The following LSM12 variants were observed in gnomAD, a reference collection of about 807,000 sequenced individuals.
LSM12 encodes the protein protein LSM12.
For synonymous variants in LSM12, 74 were observed against 87.3 expected, an observed-to-expected ratio of 0.85 and a Z score of 0.85; for missense variants, 108 against 238.9, an observed-to-expected ratio of 0.45 and a Z score of 3.61.
intron 2 of LSM12, among the ~76,000 whole-genome samples, chr17:44,055,959 T>C (rs2049707898): frequency 1.3e-5 from 2 of 151,610 alleles, no homozygotes; most frequent in East Asian, 3.9e-4. Flanking sequence ...CTTCCCTCAA[T>C]GTGACATGAT....
intron 3 of LSM12, among the ~76,000 whole-genome samples, chr17:44,038,771 C>T (rs1042467833): frequency 6.6e-6 from 1 of 152,234 alleles, no homozygotes; most frequent in Non-Finnish European, 1.5e-5. Context: ...GACAGTTGGG[C>T]ACTTGCCAGA....
chr17:44,059,788 T>C (rs1205927703), intron 2 of LSM12, among the ~76,000 whole-genome samples: 1 of 152,148 alleles, frequency 6.6e-6, no homozygotes, highest in Non-Finnish European at 1.5e-5. Context: ...TCAACAAATA[T>C]CCGGTTTTTA....
chr17:44,046,981 C>T (rs1016020339), intron 2 of LSM12, among the ~76,000 whole-genome samples: 3 of 151,806 alleles, frequency 2.0e-5, no homozygotes, highest in South Asian at 2.1e-4. Flanking sequence ...CCACCCGCCT[C>T]GACCTCCCAA....
intron 2 of LSM12, among the ~76,000 whole-genome samples, chr17:44,057,417 G>A (rs1043152464): frequency 4.7e-5 from 7 of 150,128 alleles, no homozygotes; most frequent in Non-Finnish European, 8.9e-5. Context: ...CAAAGTGCTA[G>A]GACTACAGGC....
At chr17:44,063,965 T>C (rs768642330) in intron 1 of LSM12, 31 bp from the exon 2 acceptor site, 17 of 1,604,418 alleles carry the variant, frequency 1.1e-5, no homozygotes, top group Middle Eastern at 3.3e-4. Context: ...TAAGGAAAAA[T>C]AGGACAAGCA....
chr17:44,052,153 C>A (rs1445304060), intron 2 of LSM12, among the ~76,000 whole-genome samples: 1 of 151,546 alleles, frequency 6.6e-6, no homozygotes, highest in African/African-American at 2.4e-5. Flanking sequence ...TGGTGCACGC[C>A]TGAGCCAAGG....
chr17:44,057,911 C>A (rs2049739537), intron 2 of LSM12, among the ~76,000 whole-genome samples: 1 of 150,836 alleles, frequency 6.6e-6, no homozygotes, highest in African/African-American at 2.4e-5. Context: ...CTTATCTCAT[C>A]CCATAATTCA....
At chr17:44,059,326 C>A (rs1426026100) in intron 2 of LSM12, among the ~76,000 whole-genome samples, 1 of 152,126 alleles carries the variant, frequency 6.6e-6, no homozygotes, top group African/African-American at 2.4e-5. Context: ...CAGTGGCTCA[C>A]GCCTATAATC....
At chr17:44,050,413 G>T (rs1015930449) in intron 2 of LSM12, among the ~76,000 whole-genome samples, 19 of 151,088 alleles carry the variant, frequency 1.3e-4, no homozygotes, top group African/African-American at 4.4e-4. Flanking sequence ...CCCAGACAAA[G>T]CCTTTATTCT....
At chr17:44,036,322 A>G (rs760057071) in intron 4 of LSM12, 22 bp from the exon 5 acceptor site, 1 of 1,613,992 alleles carries the variant, frequency 6.2e-7, no homozygotes, top group East Asian at 2.2e-5. Context: ...CAGGCAACCC[A>G]GGTCAACAAA....
intron 2 of LSM12, among the ~76,000 whole-genome samples, chr17:44,041,678 G>C (rs1185789639): frequency 6.6e-6 from 1 of 152,150 alleles, no homozygotes; most frequent in Non-Finnish European, 1.5e-5. Flanking sequence ...AAATCTGGTA[G>C]TCTACTACAA....
intron 3 of LSM12, among the ~76,000 whole-genome samples, chr17:44,038,211 G>A (rs143229902): frequency 5.9e-5 from 9 of 152,060 alleles, no homozygotes; most frequent in African/African-American, 1.2e-4. Context: ...AAAATTAGCC[G>A]GTAGTGGTGG....
At chr17:44,047,326 A>C (rs563874780) in intron 2 of LSM12, among the ~76,000 whole-genome samples, 2 of 151,994 alleles carry the variant, frequency 1.3e-5, no homozygotes, top group African/African-American at 4.8e-5. Context: ...AGCTCACCAC[A>C]ACCTCTGCCT....
At chr17:44,047,851 G>A (rs556850534) in intron 2 of LSM12, among the ~76,000 whole-genome samples, 22 of 151,760 alleles carry the variant, frequency 1.4e-4, no homozygotes, top group Non-Finnish European at 2.8e-4. Flanking sequence ...CCAAAGTGCT[G>A]GAATTACAAG....
rs1394968365 is a variant in LSM12 at position 44,066,632 on chromosome 17, G to A, written c.-45C>T. ...CCGGCGGCGGCGGCGGCAGCAGCGG[G>A]CGAAAGCCGGGCCCCCAGTGAGCGC... On this transcript the variant is annotated 5_prime_UTR_variant, in exon 1 of 5. Coordinates refer to ENST00000293406, the MANE Select transcript of LSM12 (RefSeq NM_001371445.1). 3.8e-6 allele frequency: 5 copies of A among 1,306,476 alleles called. No individual in the cohort carries two copies. Among genetic ancestry groups the A allele is most frequent in the Admixed American group, 4.2e-5 (1 of 23,856 alleles). The allele number at this position is 1,306,476 out of a possible 1,614,324, so 80.9% of individuals were successfully genotyped here. A position where few individuals can be genotyped will look rare whatever the true frequency, so the allele number is the denominator to read the frequency against.
At position 44,036,195 on chromosome 17, in the gene LSM12, C is replaced by T. The variant is rs777622385; in HGVS notation, c.*13G>A. 1.9e-6 allele frequency: 3 copies of T among 1,609,498 alleles called. No homozygotes were observed. The South Asian group carries it at 3.3e-5, about 18-fold the overall frequency. ...TTGGCTGGATGCTGGAAGAGTCCTCCATGTGTACGGACTCAGGATGACAGG... is the reference window on the plus strand; with the variant it reads ...TTGGCTGGATGCTGGAAGAGTCCTCTATGTGTACGGACTCAGGATGACAGG... On this transcript the variant is annotated 3_prime_UTR_variant, in exon 5 of 5. Transcript: ENST00000293406.
chr17:44,038,308 C>T (rs538406707), intron 3 of LSM12, among the ~76,000 whole-genome samples: 1 of 148,818 alleles, frequency 6.7e-6, no homozygotes, highest in South Asian at 2.1e-4. Context: ...AAGCTAAAAT[C>T]GCACCACTGC....
intron 2 of LSM12, among the ~76,000 whole-genome samples, chr17:44,042,566 ATTT>A (rs72404001): frequency 9.5e-5 from 11 of 115,436 alleles, no homozygotes; most frequent in Non-Finnish European, 1.1e-4. Flanking sequence ...CCCCCAGCTA[ATTT>A]TTTTTTTTTT....
At chr17:44,041,128 G>T (rs983901386) in intron 2 of LSM12, among the ~76,000 whole-genome samples, 1 of 150,268 alleles carries the variant, frequency 6.7e-6, no homozygotes, top group Non-Finnish European at 1.5e-5. Flanking sequence ...AAAATTAGCC[G>T]GGCATGGTGG....
Sources: gnomAD v4.1 joint callset for allele counts (sites outside exome capture counted in the v4.1 genomes callset) on GRCh38, gnomAD v4.1.1 for gene constraint, MANE v1.5 for transcripts, NCBI Gene and HGNC (gene_info 2026-07-23, HGNC 2026-07-21) for gene names.